The following NAV3 variants were observed in gnomAD, a reference collection of about 807,000 sequenced individuals.
NAV3 encodes neuron navigator 3.
Under a neutral mutation model 244.7 loss-of-function variants are expected in NAV3, and 87 were observed. The ratio of observed to expected loss-of-function variants is 0.36; its 90% CI spans 0.30 to 0.42. NAV3 has a LOEUF of 0.42. NAV3 is among the 20% of genes least tolerant of loss of function. The pLI is 1.00. For synonymous variants in NAV3, 1,126 were observed against 1,042.2 expected (o/e 1.08, Z -1.55); for missense variants, 2,663 against 2,893.3 (o/e 0.92, Z 1.83).
At chr12:77,627,563 T>C (rs11106022) in intron 2 of NAV3, among the ~76,000 whole-genome samples, 17,631 of 151,966 alleles carry the variant, frequency 0.12, 1,837 homozygotes, top group African/African-American at 0.28. Flanking sequence ...CAGGAAGAAA[T>C]AGAAAAACTA....
chr12:77,713,443 G>T (rs543197025), intron 2 of NAV3, among the ~76,000 whole-genome samples: 1 of 152,230 alleles, frequency 6.6e-6, no homozygotes, highest in South Asian at 2.1e-4. Context: ...CTTACATAAT[G>T]AATACTTTTC....
chr12:78,076,198 C>A (rs1953040346), intron 12 of NAV3, among the ~76,000 whole-genome samples: 1 of 152,160 alleles, frequency 6.6e-6, no homozygotes, highest in African/African-American at 2.4e-5. Context: ...CACCACCATC[C>A]TAAAACCAGC....
chr12:77,824,241 A>ATTTTTT (rs61710960), intron 2 of NAV3, among the ~76,000 whole-genome samples: 34 of 104,918 alleles, frequency 3.2e-4, no homozygotes, highest in African/African-American at 5.0e-4. Flanking sequence ...GCCCAACTAA[A>ATTTTTT]TTTTTTTTTT....
At chr12:78,027,088 G>A (rs979626296) in intron 9 of NAV3, among the ~76,000 whole-genome samples, 2 of 152,118 alleles carry the variant, frequency 1.3e-5, no homozygotes, top group Non-Finnish European at 2.9e-5. Context: ...CAGAAGTAAT[G>A]TTAGAGTTCA....
intron 1 of NAV3, among the ~76,000 whole-genome samples, chr12:77,910,249 C>A (rs1427370391): frequency 1.3e-5 from 2 of 152,032 alleles, no homozygotes; most frequent in African/African-American, 4.8e-5. Flanking sequence ...CCTCAGGAAG[C>A]TTCCAATCAT....
rs545949727 is a variant in NAV3, at chr12:77,779,988, G to A, written c.73-160331G>A. ...GACATGCCCGCTTGCTTCTCCTGTT[G>A]GATAGTTTCTTTGGAATGCAGTGTT... On this transcript the variant is annotated intron_variant, in intron 2 of 8. Coordinates refer to the NAV3 transcript ENST00000550042. Among the ~76,000 whole-genome samples the A allele has an allele frequency of 2.0e-5, 3 of 152,154 alleles. No individual in the cohort carries two copies. In the East Asian group the frequency reaches 5.8e-4, roughly 29 times the overall value.
chr12:77,682,985 G>A (rs1874540654), intron 2 of NAV3, among the ~76,000 whole-genome samples: 1 of 151,996 alleles, frequency 6.6e-6, no homozygotes, highest in Non-Finnish European at 1.5e-5. Context: ...TTTGCTGATT[G>A]TTTCAATTGC....
intron 21 of NAV3, among the ~76,000 whole-genome samples, chr12:78,148,404 A>G (rs938021823): frequency 4.0e-5 from 6 of 151,572 alleles, no homozygotes; most frequent in African/African-American, 9.7e-5. Context: ...TGTACAGAGG[A>G]AAAAAAAACC....
intron 2 of NAV3, among the ~76,000 whole-genome samples, chr12:77,670,537 A>G (rs532020638): frequency 6.6e-6 from 1 of 152,288 alleles, no homozygotes; most frequent in African/African-American, 2.4e-5. Context: ...AAAAATCCTC[A>G]ACAAAATACT....
At chr12:77,636,184 G>A (rs1252503553) in intron 2 of NAV3, among the ~76,000 whole-genome samples, 1 of 152,108 alleles carries the variant, frequency 6.6e-6, no homozygotes, top group Non-Finnish European at 1.5e-5. Flanking sequence ...TCAGGAAACA[G>A]GCCAGGCACG....
chr12:77,623,388 G>A (rs1296078753), intron 2 of NAV3, among the ~76,000 whole-genome samples: 1 of 152,132 alleles, frequency 6.6e-6, no homozygotes, highest in Non-Finnish European at 1.5e-5. Flanking sequence ...AATTGGTTTT[G>A]AATTTGTAGA....
chr12:77,784,462 C>T (rs191011976), intron 2 of NAV3, among the ~76,000 whole-genome samples: 51 of 152,284 alleles, frequency 3.3e-4, no homozygotes, highest in Admixed American at 1.6e-3. Flanking sequence ...GATTGAAAGA[C>T]TGTGAAATTG....
At chr12:78,039,215 C>A (rs925850079) in intron 9 of NAV3, among the ~76,000 whole-genome samples, 1 of 152,106 alleles carries the variant, frequency 6.6e-6, no homozygotes, top group Non-Finnish European at 1.5e-5. Flanking sequence ...TTGAATATAT[C>A]TACGCCCACA....
intron 2 of NAV3, among the ~76,000 whole-genome samples, chr12:77,691,121 G>A (rs1315118106): frequency 6.6e-6 from 1 of 150,392 alleles, no homozygotes; most frequent in Non-Finnish European, 1.5e-5. Context: ...ACAAGAGGAG[G>A]TAACTACGAA....
chr12:78,020,685 T>C (rs1877003046), intron 8 of NAV3, among the ~76,000 whole-genome samples: 1 of 152,204 alleles, frequency 6.6e-6, no homozygotes, highest in African/African-American at 2.4e-5. Context: ...TGATTACTTT[T>C]TTTCTCTTGA....
chr12:78,032,912 C>CT lies in NAV3; in HGVS notation c.2023+11059dup, dbSNP rs887225092. 1.2e-3 allele frequency among the ~76,000 whole-genome samples: 180 copies of CT among 150,956 alleles called. 1 individual carries two copies. Among genetic ancestry groups the CT allele is most frequent in the Middle Eastern group, 0.01 (3 of 292 alleles). ...TTTCTTCTATAGGTTCACACTTGCCCTTTTTTTTTGCATAAGACTATCCAC... is the reference window on the plus strand; with the variant it reads ...TTTCTTCTATAGGTTCACACTTGCCCTTTTTTTTTTGCATAAGACTATCCAC... On this transcript the variant is annotated intron_variant, in intron 9 of 39. Transcript: ENST00000397909.
intron 2 of NAV3, among the ~76,000 whole-genome samples, chr12:77,703,586 A>G (rs1875657129): frequency 6.6e-6 from 1 of 152,150 alleles, no homozygotes; most frequent in African/African-American, 2.4e-5. Context: ...GTAACCTTCT[A>G]AGAAACTGCC....
At chr12:78,140,063 A>C (rs1316869312) in intron 19 of NAV3, among the ~76,000 whole-genome samples, 1 of 152,146 alleles carries the variant, frequency 6.6e-6, no homozygotes, top group Non-Finnish European at 1.5e-5. Flanking sequence ...CTGTCTAATA[A>C]CTTGGCAACT....
chr12:77,956,260 G>A (rs1891348602), intron 3 of NAV3, among the ~76,000 whole-genome samples: 1 of 151,972 alleles, frequency 6.6e-6, no homozygotes, highest in Admixed American at 6.6e-5. Context: ...TTTATGTAAT[G>A]GCGCTAGTAT....
Sources: gnomAD v4.1 joint callset for allele counts (sites outside exome capture counted in the v4.1 genomes callset) on GRCh38, gnomAD v4.1.1 for gene constraint, MANE v1.5 for transcripts, NCBI Gene and HGNC (gene_info 2026-07-23, HGNC 2026-07-21) for gene names.